Variants in SUGCT observed in about 807,000 individuals in gnomAD.
The protein encoded by SUGCT is succinyl-CoA:glutarate-CoA transferase.
SUGCT carries 41 observed loss-of-function variants against 55.0 expected under a neutral mutation model. The ratio of observed to expected loss-of-function variants is 0.74; its 90% CI spans 0.58 to 0.97. SUGCT has a LOEUF of 0.97. Among genes scored for constraint, SUGCT ranks in the 50% least tolerant of loss-of-function variants. The probability of loss-of-function intolerance (pLI) is 0.00; values close to 1 mark genes in which losing one functional copy is unlikely to be tolerated. For synonymous variants in SUGCT, 187 were observed against 200.4 expected (o/e 0.93, Z 0.56); for missense variants, 568 against 547.8 (o/e 1.04, Z -0.37).
intron 9 of SUGCT, among the ~76,000 whole-genome samples, chr7:40,421,135 G>T (rs1391912511): frequency 6.6e-6 from 1 of 152,110 alleles, no homozygotes; most frequent in Non-Finnish European, 1.5e-5. Flanking sequence ...AGTCTACCTT[G>T]TCAGGCCTAG....
At chr7:41,032,251 C>T in the SUGCT span, among the ~76,000 whole-genome samples, 1 of 152,100 alleles carries the variant, frequency 6.6e-6, no homozygotes, top group Admixed American at 6.5e-5. Flanking sequence ...TACCCATGTG[C>T]ATCTTTTTCC....
chr7:40,672,920 A>AC (rs1324814359), intron 12 of SUGCT, among the ~76,000 whole-genome samples: 2 of 152,156 alleles, frequency 1.3e-5, no homozygotes, highest in South Asian at 2.1e-4. Flanking sequence ...GTGTGTACCC[A>AC]CCACCACAAT....
chr7:41,005,903 T>C, the SUGCT span, among the ~76,000 whole-genome samples: 10 of 152,176 alleles, frequency 6.6e-5, no homozygotes, highest in Non-Finnish European at 1.3e-4. Context: ...CTCCGAGCAT[T>C]CCAGGAAATG....
the SUGCT span, among the ~76,000 whole-genome samples, chr7:40,888,511 T>C: frequency 6.6e-6 from 1 of 151,302 alleles, no homozygotes; most frequent in African/African-American, 2.4e-5. Flanking sequence ...TTTCCAGCAG[T>C]GTGTTTGAAA....
chr7:40,365,144 A>G (rs1032702490), intron 9 of SUGCT, among the ~76,000 whole-genome samples: 24 of 152,264 alleles, frequency 1.6e-4, no homozygotes, highest in African/African-American at 5.5e-4. Flanking sequence ...GCATATAAAC[A>G]GAACCAAAGA....
At chr7:40,858,159 G>A (rs892423654) in intron 13 of SUGCT, among the ~76,000 whole-genome samples, 1 of 152,042 alleles carries the variant, frequency 6.6e-6, no homozygotes. Flanking sequence ...TAAAGCCTTT[G>A]GTGCAGTGGT....
chr7:41,036,521 C>T, the SUGCT span, among the ~76,000 whole-genome samples: 6 of 152,232 alleles, frequency 3.9e-5, no homozygotes, highest in East Asian at 5.8e-4. Flanking sequence ...TCCTCTCTTC[C>T]GATTTCTGTA....
intron 12 of SUGCT, among the ~76,000 whole-genome samples, chr7:40,617,696 A>T (rs1045729194): frequency 2.0e-5 from 3 of 152,206 alleles, no homozygotes; most frequent in Non-Finnish European, 4.4e-5. Flanking sequence ...GATTTTGTCT[A>T]TAAATTGATT....
intron 9 of SUGCT, among the ~76,000 whole-genome samples, chr7:40,345,216 CCAGT>C (rs2151185773): frequency 6.6e-6 from 1 of 150,872 alleles, no homozygotes; most frequent in South Asian, 2.1e-4. Context: ...CTTGAGCATT[CCAGT>C]CAGAGGGTTT....
intron 1 of SUGCT, among the ~76,000 whole-genome samples, chr7:40,163,606 GAAAA>G (rs11298191): frequency 7.9e-6 from 1 of 126,500 alleles, no homozygotes. Context: ...CTCTGTCTCA[GAAAA>G]AAAAAAAAAA....
chr7:40,929,450 C>G, the SUGCT span, among the ~76,000 whole-genome samples: 4 of 152,112 alleles, frequency 2.6e-5, no homozygotes, highest in South Asian at 2.1e-4. Flanking sequence ...GTAATGGGAT[C>G]GCTGGGTCAA....
intron 10 of SUGCT, among the ~76,000 whole-genome samples, chr7:40,455,076 C>G (rs1433144713): frequency 6.6e-6 from 1 of 151,812 alleles, no homozygotes; most frequent in Non-Finnish European, 1.5e-5. Flanking sequence ...CAGATAAATA[C>G]AACATAAAAT....
At chr7:40,907,981 T>G in the SUGCT span, among the ~76,000 whole-genome samples, 2 of 128,366 alleles carry the variant, frequency 1.6e-5, no homozygotes, top group East Asian at 3.9e-4. Context: ...AATTATCTAG[T>G]TTTTTTTTTG....
At chr7:40,884,093 AG>A in the SUGCT span, among the ~76,000 whole-genome samples, 3 of 152,184 alleles carry the variant, frequency 2.0e-5, no homozygotes, top group African/African-American at 7.2e-5. Flanking sequence ...ACCCTAGGCA[AG>A]ATTTATGTTC....
chr7:40,458,215 G>A (rs1355883145), intron 10 of SUGCT, among the ~76,000 whole-genome samples: 1 of 152,170 alleles, frequency 6.6e-6, no homozygotes, highest in East Asian at 1.9e-4. Flanking sequence ...AGGCAATGAA[G>A]CTTTCTGTAG....
At chr7:40,206,835 T>G (rs1228128279) in intron 6 of SUGCT, among the ~76,000 whole-genome samples, 1 of 152,134 alleles carries the variant, frequency 6.6e-6, no homozygotes, top group Admixed American at 6.5e-5. Flanking sequence ...ATATTTTCAA[T>G]TTGTGGATTG....
intron 6 of SUGCT, among the ~76,000 whole-genome samples, chr7:40,210,949 AG>A (rs1787301090): frequency 6.6e-6 from 1 of 152,176 alleles, no homozygotes; most frequent in Non-Finnish European, 1.5e-5. Context: ...TAGAAGGCAA[AG>A]AATTGAACAT....
At chr7:40,854,344 G>T (rs569814231) in intron 13 of SUGCT, among the ~76,000 whole-genome samples, 1 of 151,810 alleles carries the variant, frequency 6.6e-6, no homozygotes, top group Non-Finnish European at 1.5e-5. Context: ...GTCATCCTGG[G>T]ACCTTCTTTC....
intron 9 of SUGCT, among the ~76,000 whole-genome samples, chr7:40,385,876 A>G (rs2151291497): frequency 6.6e-6 from 1 of 152,354 alleles, no homozygotes; most frequent in Non-Finnish European, 1.5e-5. Context: ...ATAGCATTGC[A>G]AAAGTCCTTT....
Sources: allele counts gnomAD v4.1 joint callset (sites outside exome capture counted in the v4.1 genomes callset), GRCh38; gene constraint gnomAD v4.1.1; transcripts MANE v1.5; gene names NCBI Gene and HGNC (gene_info 2026-07-23, HGNC 2026-07-21).